WDFY4: variants seen among roughly 807,000 people sequenced by gnomAD.
WDFY4 encodes WD repeat- and FYVE domain-containing protein 4.
WDFY4 carries 169 observed loss-of-function variants against 351.9 expected under a neutral mutation model. That is an observed-to-expected ratio of 0.48 (90% CI 0.42 to 0.55). WDFY4 has a LOEUF of 0.55. Among genes scored for constraint, WDFY4 ranks in the 20% least tolerant of loss-of-function variants. The pLI, the probability that WDFY4 is intolerant of heterozygous loss-of-function variation, is 0.00. For missense variants in WDFY4, 3,803 were observed against 3,935.6 expected (o/e 0.97, Z 0.90); for synonymous variants, 1,622 against 1,574.6 (o/e 1.03, Z -0.71).
chr10:48,720,719 G>A (rs947533854), intron 3 of WDFY4, among the ~76,000 whole-genome samples: 2 of 152,194 alleles, frequency 1.3e-5, no homozygotes, highest in African/African-American at 4.8e-5. Flanking sequence ...AGATGCACCT[G>A]TGTGTTCAGT....
intron 24 of WDFY4, among the ~76,000 whole-genome samples, chr10:48,802,344 C>T (rs1336957429): frequency 6.6e-6 from 1 of 152,122 alleles, no homozygotes; most frequent in African/African-American, 2.4e-5. Flanking sequence ...CCACTGCGCT[C>T]CAGCTTGGGT....
chr10:48,813,908 C>G, intron 30 of WDFY4, 49 bp from the exon 31 acceptor site: 2 of 1,452,540 alleles, frequency 1.4e-6, no homozygotes, highest in Non-Finnish European at 1.8e-6. Flanking sequence ...AGCTCGTTCT[C>G]TTGGTGAGTA....
intron 43 of WDFY4, among the ~76,000 whole-genome samples, chr10:48,882,668 T>C (rs1035668306): frequency 4.6e-5 from 7 of 152,038 alleles, no homozygotes; most frequent in Non-Finnish European, 8.8e-5. Flanking sequence ...CATCACATAG[T>C]GAGAGAGGCA....
Position 48,777,457 on chromosome 10 carries a change from C to A in WDFY4, c.3137C>A (p.Thr1046Asn), listed in dbSNP as rs1357435083. The change falls in exon 17 of 62, where the codon ACC becomes AAC. Residue 1046 changes from threonine to asparagine, a missense_variant. Physicochemically the swap from Thr to Asn is moderately conservative, Grantham distance 65. Transcript: ENST00000325239. ...FIPTLSTVMG[T>N]STEYSVSGGI... is the part of the protein sequence containing the mutation. ...CCAACCCTGTCCACAGTTATGGGAA[C>A]CAGCACTGAGTACTCTGTCTCTGGA... 4 of 1,551,750 alleles carry A rather than the reference C, an allele frequency of 2.6e-6. No homozygotes were observed. The highest frequency in any genetic ancestry group is 3.5e-6 in the Non-Finnish European group (4 of 1,147,008).
At chr10:48,791,562 C>T (rs1871602) in intron 23 of WDFY4, among the ~76,000 whole-genome samples, 15 of 152,106 alleles carry the variant, frequency 9.9e-5, no homozygotes, top group Admixed American at 1.3e-4. Context: ...CACCTGCACA[C>T]GGGACCTGCT....
At chr10:48,768,920 A>G (rs774883811) in intron 13 of WDFY4, among the ~76,000 whole-genome samples, 2 of 152,322 alleles carry the variant, frequency 1.3e-5, no homozygotes, top group South Asian at 2.1e-4. Flanking sequence ...AGCTTCAGGC[A>G]TTACTGGAAA....
chr10:48,727,220 G>C lies in WDFY4; in HGVS notation c.782-250G>C, dbSNP rs2064299028. Among the ~76,000 whole-genome samples, 5 of 152,166 alleles carry C rather than the reference G, an allele frequency of 3.3e-5. No homozygotes were observed. The South Asian group carries it at 1.0e-3, about 32-fold the overall frequency. ...GACCTGGACTCCCCCTTCTTGCTGA[G>C]AATTAGGGACAGAGGGCTGAGGGGC... On this transcript the variant is annotated intron_variant, in intron 6 of 61. Coordinates refer to ENST00000325239, the MANE Select transcript of WDFY4 (RefSeq NM_001394531.1).
At chr10:48,731,068 A>G (rs1442428292) in intron 8 of WDFY4, 42 bp from the exon 9 acceptor site, 1 of 1,473,962 alleles carries the variant, frequency 6.8e-7, no homozygotes, top group Non-Finnish European at 9.0e-7. Flanking sequence ...AGACACAGGC[A>G]GGAGAAATGA....
intron 29 of WDFY4, among the ~76,000 whole-genome samples, chr10:48,811,036 C>T (rs2067427778): frequency 6.6e-6 from 1 of 152,224 alleles, no homozygotes; most frequent in African/African-American, 2.4e-5. Context: ...GCCTCTTCTC[C>T]TGATGTGGAT....
chr10:48,738,738 C>A (rs1422372456), intron 11 of WDFY4, among the ~76,000 whole-genome samples: 1 of 152,248 alleles, frequency 6.6e-6, no homozygotes, highest in Non-Finnish European at 1.5e-5. Context: ...CTCACTGGAT[C>A]TCTCTCTTTA....
At chr10:48,699,046 G>A (rs2063408032) in intron 1 of WDFY4, among the ~76,000 whole-genome samples, 1 of 152,182 alleles carries the variant, frequency 6.6e-6, no homozygotes, top group Admixed American at 6.5e-5. Flanking sequence ...ACATGCTACA[G>A]GGCTCACAGC....
intron 39 of WDFY4, among the ~76,000 whole-genome samples, chr10:48,835,542 C>A (rs1286576452): frequency 6.6e-6 from 1 of 152,164 alleles, no homozygotes; most frequent in Non-Finnish European, 1.5e-5. Context: ...TCTCCCTCAC[C>A]TTTTAGCACC....
Position 48,969,129 on chromosome 10 carries a change from GAGA to G in WDFY4, c.8654_8656del (p.Lys2885del). 6.4e-7 allele frequency: 1 copy of G among 1,551,790 alleles called. No homozygotes were observed. The highest frequency in any genetic ancestry group is 1.4e-5 in the African/African-American group (1 of 73,176). ...GGCCATTGGCCACATTGTCTCTACT[GAGA>G]AGACCATTCTGGCTGTAGAGAGGAA... On this transcript the variant is annotated inframe_deletion, in exon 56 of 62. Coordinates refer to ENST00000325239, the MANE Select transcript of WDFY4 (RefSeq NM_001394531.1).
At chr10:48,732,319 TG>T (rs1392020251) in intron 9 of WDFY4, among the ~76,000 whole-genome samples, 2 of 152,128 alleles carry the variant, frequency 1.3e-5, no homozygotes, top group Non-Finnish European at 1.5e-5. Flanking sequence ...CCAGCTCCTC[TG>T]GTCTTTCCCT....
intron 12 of WDFY4, among the ~76,000 whole-genome samples, chr10:48,750,187 T>C (rs1350819791): frequency 6.6e-6 from 1 of 152,242 alleles, no homozygotes; most frequent in East Asian, 1.9e-4. Flanking sequence ...GTAATTGTTG[T>C]GCCAGACCAT....
At chr10:48,904,153 C>T (rs1242420271) in intron 47 of WDFY4, among the ~76,000 whole-genome samples, 1 of 152,208 alleles carries the variant, frequency 6.6e-6, no homozygotes, top group African/African-American at 2.4e-5. Flanking sequence ...GCAGAGGCTC[C>T]TATTGTGCCA....
chr10:48,901,872 G>A lies in WDFY4; in HGVS notation c.7586+9G>A, dbSNP rs559997468. ...GACACCCTCAGTCTAAGGTAATGGCGGGTAGCCATGCTGTCTGGGCATGGC... is the reference window on the plus strand; with the variant it reads ...GACACCCTCAGTCTAAGGTAATGGCAGGTAGCCATGCTGTCTGGGCATGGC... On this transcript the variant is annotated intron_variant, in intron 47 of 61. Transcript: ENST00000325239. The A allele has an allele frequency of 4.1e-5, 64 of 1,551,134 alleles. 1 individual carries two copies. The East Asian group carries it at 1.2e-3, about 30-fold the overall frequency.
At chr10:48,698,332 C>A (rs571520738) in intron 1 of WDFY4, among the ~76,000 whole-genome samples, 2 of 152,218 alleles carry the variant, frequency 1.3e-5, no homozygotes, top group Non-Finnish European at 2.9e-5. Context: ...TGTTCCCAAG[C>A]GTGCCAGGGC....
intron 45 of WDFY4, among the ~76,000 whole-genome samples, 166 bp downstream of exon 45, chr10:48,897,740 C>CCCTG (rs1837157162): frequency 1.3e-5 from 2 of 152,248 alleles, no homozygotes; most frequent in South Asian, 4.1e-4. Context: ...CTTGTGGTGG[C>CCCTG]CCTGGTCCCA....
Sources: gnomAD v4.1 joint callset for allele counts (sites outside exome capture counted in the v4.1 genomes callset) on GRCh38, gnomAD v4.1.1 for gene constraint, MANE v1.5 for transcripts, NCBI Gene and HGNC (gene_info 2026-07-23, HGNC 2026-07-21) for gene names.